SNX4: variants seen among roughly 807,000 people sequenced by gnomAD.
SNX4 encodes sorting nexin-4.
SNX4 carries 49 observed loss-of-function variants against 70.8 expected under a neutral mutation model. The observed-to-expected ratio is 0.69, with a 90% CI of 0.55 to 0.88. SNX4 has a LOEUF of 0.88. SNX4 is among the 40% of genes least tolerant of loss of function. The pLI, the probability that SNX4 is intolerant of heterozygous loss-of-function variation, is 0.00. For synonymous variants in SNX4, 206 were observed against 183.8 expected (o/e 1.12, Z -0.98); for missense variants, 528 against 544.8 (o/e 0.97, Z 0.31).
rs201779554 is a variant in SNX4, at chr3:125,520,012, C to G, written c.141+20G>C. ...GGCCACCACACAGGCCATGAGGGCT[C>G]TGCCGCCCCTTCTCCTCACCGTGTC... On this transcript the variant is annotated intron_variant, in intron 1 of 13. Coordinates refer to ENST00000251775, the MANE Select transcript of SNX4 (RefSeq NM_003794.4). 172 of 1,539,098 alleles carry G rather than the reference C, an allele frequency of 1.1e-4. 1 individual carries two copies. The African/African-American group carries it at 1.9e-3, about 17-fold the overall frequency.
rs1315206739 is a variant in SNX4, at chr3:125,520,102, T to G, written c.71A>C (p.Asp24Ala). ...PAPLEPLGSPDAGLGAAVGKE... is the reference protein window; with the variant it reads ...PAPLEPLGSPAAGLGAAVGKE... ...GCCGACCGCAGCCCCCAGCCCAGCGTCTGGGGAGCCCAGCGGCTCCAAGGG... is the reference window on the plus strand; with the variant it reads ...GCCGACCGCAGCCCCCAGCCCAGCGGCTGGGGAGCCCAGCGGCTCCAAGGG... Residue 24 changes from aspartate (D) to alanine (A), a missense_variant, in exon 1 of 14, where the codon GAC (aspartate) becomes GCC (alanine). Asp to Ala is a moderately radical substitution (Grantham distance 126). Coordinates refer to ENST00000251775, the MANE Select transcript of SNX4 (RefSeq NM_003794.4). The G allele has an allele frequency of 2.6e-6, 4 of 1,515,892 alleles. No individual in the cohort carries two copies. Among genetic ancestry groups the G allele is most frequent in the Non-Finnish European group, 3.5e-6 (4 of 1,136,022 alleles). The allele number at this position is 1,515,892 out of a possible 1,614,324, so 93.9% of individuals were successfully genotyped here. A position where few individuals can be genotyped will look rare whatever the true frequency, so the allele number is the denominator to read the frequency against.
chr3:125,449,549 A>T (rs763204893), intron 13 of SNX4, among the ~76,000 whole-genome samples: 1 of 152,190 alleles, frequency 6.6e-6, no homozygotes. Flanking sequence ...ATAAAAATCT[A>T]TATCACTTAG....
chr3:125,509,752 CAAAAAAAAAAAA>C (rs202049305), intron 1 of SNX4, among the ~76,000 whole-genome samples: 2 of 68,686 alleles, frequency 2.9e-5, no homozygotes, highest in East Asian at 4.8e-4. Flanking sequence ...GAATCTGTCT[CAAAAAAAAAAAA>C]AAAAAAAAAA....
chr3:125,472,458 C>T (rs763112090), intron 8 of SNX4, among the ~76,000 whole-genome samples: 2 of 151,346 alleles, frequency 1.3e-5, no homozygotes, highest in Non-Finnish European at 2.9e-5. Context: ...TATTGGAAGC[C>T]ATATAATAGA....
At chr3:125,479,998 G>C (rs927979707) in intron 7 of SNX4, among the ~76,000 whole-genome samples, 13 of 151,966 alleles carry the variant, frequency 8.6e-5, no homozygotes, top group Admixed American at 2.6e-4. Flanking sequence ...GAAATGGCAG[G>C]CCTTTTGATA....
chr3:125,488,510 T>A (rs893039264), intron 6 of SNX4, among the ~76,000 whole-genome samples: 1 of 152,010 alleles, frequency 6.6e-6, no homozygotes, highest in Non-Finnish European at 1.5e-5. Flanking sequence ...AAACTCAAGT[T>A]ACCATCACAA....
intron 8 of SNX4, among the ~76,000 whole-genome samples, chr3:125,475,361 G>GA (rs1351134082): frequency 6.6e-6 from 1 of 151,896 alleles, no homozygotes; most frequent in Non-Finnish European, 1.5e-5. Context: ...CACCACCTGA[G>GA]AAAAAATTTT....
intron 13 of SNX4, among the ~76,000 whole-genome samples, chr3:125,448,669 C>CTTTTT (rs921502028): frequency 4.9e-4 from 47 of 95,368 alleles, no homozygotes; most frequent in African/African-American, 8.0e-4. Flanking sequence ...GGGTTTTTTC[C>CTTTTT]TTTTTTTTTT....
intron 1 of SNX4, among the ~76,000 whole-genome samples, chr3:125,515,146 G>A (rs970708278): frequency 5.3e-5 from 8 of 151,046 alleles, no homozygotes; most frequent in African/African-American, 1.2e-4. Flanking sequence ...CCAAGAGTTC[G>A]AGACCAGGCT....
intron 2 of SNX4, among the ~76,000 whole-genome samples, chr3:125,503,318 A>G (rs998956843): frequency 2.0e-5 from 3 of 152,198 alleles, no homozygotes; most frequent in African/African-American, 7.2e-5. Context: ...ATAGTACACT[A>G]TTCTTTATAT....
At chr3:125,490,305 C>T (rs1160236204) in intron 5 of SNX4, among the ~76,000 whole-genome samples, 2 of 151,930 alleles carry the variant, frequency 1.3e-5, no homozygotes, top group Non-Finnish European at 2.9e-5. Flanking sequence ...GAGGCCGAGG[C>T]AGGCGGAGCA....
chr3:125,514,034 A>ATTT (rs113030023), intron 1 of SNX4, among the ~76,000 whole-genome samples: 1 of 144,464 alleles, frequency 6.9e-6, no homozygotes, highest in Non-Finnish European at 1.5e-5. Flanking sequence ...AGACTTCTGG[A>ATTT]TTTTTTTTTT....
intron 1 of SNX4, among the ~76,000 whole-genome samples, chr3:125,515,425 G>A (rs1488447287): frequency 2.6e-5 from 4 of 151,796 alleles, no homozygotes; most frequent in Admixed American, 1.3e-4. Flanking sequence ...AATTTGGGGG[G>A]CTGAGGTGGG....
chr3:125,472,859 T>C (rs1225138334), intron 8 of SNX4, among the ~76,000 whole-genome samples: 3 of 152,114 alleles, frequency 2.0e-5, no homozygotes, highest in African/African-American at 7.2e-5. Context: ...ACCTCTCCCC[T>C]GCCTTAAGAC....
intron 5 of SNX4, among the ~76,000 whole-genome samples, chr3:125,490,555 G>A (rs552584379): frequency 6.9e-6 from 1 of 144,716 alleles, no homozygotes; most frequent in East Asian, 2.0e-4. Flanking sequence ...AGAAATACAT[G>A]TACTAAGTAA....
Position 125,453,820 on chromosome 3 carries a change from G to C in SNX4, c.1180C>G (p.Leu394Val). 1.2e-6 allele frequency: 2 copies of C among 1,613,888 alleles called. No individual in the cohort carries two copies. Among genetic ancestry groups the C allele is most frequent in the Non-Finnish European group, 1.7e-6 (2 of 1,179,918 alleles). The change falls in exon 12 of 14, where the codon CTG becomes GTG. Residue 394 changes from leucine to valine, a missense_variant. Leu to Val is a conservative substitution (Grantham distance 32). Coordinates refer to ENST00000251775, the MANE Select transcript of SNX4 (RefSeq NM_003794.4). ...TCGCAGCATCTTTACCTGCCTTCCA[G>C]ATTTTTAGACTTTAGCTGTTGTTCT... is the stretch of plus-strand genomic sequence containing the variant. ...EGEQQLKSKN[L>V]EGREFVKNAW...
intron 1 of SNX4, among the ~76,000 whole-genome samples, chr3:125,519,782 G>T (rs1158713284): frequency 6.6e-6 from 1 of 151,690 alleles, no homozygotes; most frequent in Non-Finnish European, 1.5e-5. Context: ...CCTCCCCTTC[G>T]CAGTCTCGAC....
intron 8 of SNX4, among the ~76,000 whole-genome samples, chr3:125,475,270 C>G (rs1934266024): frequency 6.6e-6 from 1 of 152,142 alleles, no homozygotes; most frequent in Non-Finnish European, 1.5e-5. Context: ...ATCTTACATT[C>G]AAATAAATTA....
At chr3:125,494,871 C>T (rs1934747070) in intron 5 of SNX4, among the ~76,000 whole-genome samples, 1 of 152,124 alleles carries the variant, frequency 6.6e-6, no homozygotes, top group Non-Finnish European at 1.5e-5. Context: ...AGGGATTTTG[C>T]CTCACGCCAA....
Sources: allele counts gnomAD v4.1 joint callset (sites outside exome capture counted in the v4.1 genomes callset), GRCh38; gene constraint gnomAD v4.1.1; transcripts MANE v1.5; gene names NCBI Gene and HGNC (gene_info 2026-07-23, HGNC 2026-07-21).